SEPTIN14: variants seen among roughly 807,000 people sequenced by gnomAD.
The protein encoded by SEPTIN14 is septin 14.
A neutral mutation model predicts 53.6 loss-of-function variants in SEPTIN14; 40 were observed. The ratio of observed to expected loss-of-function variants is 0.75; its 90% CI spans 0.58 to 0.97. The LOEUF (loss-of-function observed/expected upper bound fraction) is 0.97. Ranked by LOEUF, SEPTIN14 falls within the 50% of genes least tolerant of loss-of-function variation. The pLI is 0.00. For synonymous variants in SEPTIN14, 138 were observed against 166.8 expected (o/e 0.83, Z 1.33); for missense variants, 471 against 508.2 (o/e 0.93, Z 0.70).
rs1037215428 is a variant in SEPTIN14, at chr7:55,846,400, C to T, written c.175+117G>A. 7.0e-6 allele frequency: 5 copies of T among 716,946 alleles called. No individual in the cohort carries two copies. In the East Asian group the frequency reaches 1.4e-4, roughly 21 times the overall value. 44.4% of individuals were successfully genotyped at this position (716,946 alleles called of 1,614,324 possible). A position where few individuals can be genotyped will look rare whatever the true frequency, so the allele number is the denominator to read the frequency against. The stretch of plus-strand genomic sequence containing the variant: ...CATAATATGGCTAAGATGAGAATCA[C>T]TGTAAACATGAAGATATATTTGAAT... On this transcript the variant is annotated intron_variant, in intron 3 of 9. Transcript: ENST00000388975.
chr7:55,848,899 G>A (rs1292666728), intron 2 of SEPTIN14, among the ~76,000 whole-genome samples: 1 of 152,014 alleles, frequency 6.6e-6, no homozygotes, highest in Non-Finnish European at 1.5e-5. Flanking sequence ...GAGCCACCGC[G>A]CCTGGCCTAC....
intron 2 of SEPTIN14, among the ~76,000 whole-genome samples, chr7:55,857,523 GGAA>G (rs1789659223): frequency 8.8e-6 from 1 of 113,934 alleles, no homozygotes. Flanking sequence ...GGAAGGGAAA[GGAA>G]AGGAAAGGAA....
At chr7:55,814,948 A>G (rs1432613507) in intron 7 of SEPTIN14, among the ~76,000 whole-genome samples, 6 of 152,200 alleles carry the variant, frequency 3.9e-5, no homozygotes, top group Non-Finnish European at 7.4e-5. Flanking sequence ...AACAGACACA[A>G]AGACCAATGG....
chr7:55,849,797 T>C (rs1044825324), intron 2 of SEPTIN14, among the ~76,000 whole-genome samples: 1 of 152,024 alleles, frequency 6.6e-6, no homozygotes, highest in East Asian at 1.9e-4. Context: ...AAATTGCTCA[T>C]AGCAGAAGTG....
At chr7:55,814,864 G>A (rs1476807057) in intron 7 of SEPTIN14, among the ~76,000 whole-genome samples, 1 of 152,108 alleles carries the variant, frequency 6.6e-6, no homozygotes, top group East Asian at 1.9e-4. Context: ...AATAACACTG[G>A]AGGAATCGCA....
chr7:55,855,785 C>T (rs1443443562), intron 2 of SEPTIN14, among the ~76,000 whole-genome samples: 1 of 152,044 alleles, frequency 6.6e-6, no homozygotes, highest in Non-Finnish European at 1.5e-5. Flanking sequence ...AACGCCTCAC[C>T]TCGTGATCCA....
chr7:55,812,093 C>A (rs909752820), intron 7 of SEPTIN14, among the ~76,000 whole-genome samples: 1 of 152,202 alleles, frequency 6.6e-6, no homozygotes, highest in South Asian at 2.1e-4. Flanking sequence ...CCGTGTCTGG[C>A]CAAGTTTTAC....
intron 6 of SEPTIN14, among the ~76,000 whole-genome samples, chr7:55,828,413 T>G (rs1268036412): frequency 6.6e-6 from 1 of 151,252 alleles, no homozygotes; most frequent in African/African-American, 2.4e-5. Flanking sequence ...CACACCATTC[T>G]CCTGCCTCAG....
intron 9 of SEPTIN14, chr7:55,798,176 G>A (rs1170433203): frequency 4.6e-6 from 1 of 218,868 alleles, no homozygotes; most frequent in South Asian, 1.1e-4. Flanking sequence ...CCTCCCTGCA[G>A]CCACGCAAAG....
chr7:55,860,790 T>C (rs1789730887), intron 2 of SEPTIN14, among the ~76,000 whole-genome samples: 1 of 152,210 alleles, frequency 6.6e-6, no homozygotes, highest in African/African-American at 2.4e-5. Context: ...ACTGTTTGCT[T>C]CTCCTGCCAT....
At chr7:55,858,162 T>C (rs1216459047) in intron 2 of SEPTIN14, among the ~76,000 whole-genome samples, 2 of 152,066 alleles carry the variant, frequency 1.3e-5, no homozygotes, top group Non-Finnish European at 2.9e-5. Context: ...CTGCTGAAAG[T>C]AGGGAACACA....
At chr7:55,811,192 G>T in intron 7 of SEPTIN14, 1 of 508,118 alleles carries the variant, frequency 2.0e-6, no homozygotes, top group South Asian at 1.6e-5. Flanking sequence ...AAGTAGTTGA[G>T]CCATTCATGC....
At chr7:55,817,318 CAG>C (rs1053216519) in intron 7 of SEPTIN14, among the ~76,000 whole-genome samples, 28 of 151,874 alleles carry the variant, frequency 1.8e-4, no homozygotes, top group African/African-American at 6.5e-4. Flanking sequence ...CTTGTAGAAA[CAG>C]AGAGTAGAAT....
intron 7 of SEPTIN14, among the ~76,000 whole-genome samples, chr7:55,810,327 T>A (rs1788678952): frequency 6.6e-6 from 1 of 152,142 alleles, no homozygotes; most frequent in Non-Finnish European, 1.5e-5. Context: ...GCTATTGAGT[T>A]GTTAGAGTAA....
At chr7:55,852,545 A>T (rs1022223388) in intron 2 of SEPTIN14, among the ~76,000 whole-genome samples, 1 of 152,168 alleles carries the variant, frequency 6.6e-6, no homozygotes, top group Non-Finnish European at 1.5e-5. Context: ...AATAAAAATG[A>T]ATTAAAGACA....
intron 2 of SEPTIN14, among the ~76,000 whole-genome samples, chr7:55,851,415 G>GTTT (rs572803494): frequency 4.0e-4 from 59 of 146,616 alleles, no homozygotes; most frequent in East Asian, 3.2e-3. Flanking sequence ...ACTGCATGGA[G>GTTT]TTTTTTTTTT....
At chr7:55,829,207 C>A (rs1040398619) in intron 6 of SEPTIN14, among the ~76,000 whole-genome samples, 4 of 151,470 alleles carry the variant, frequency 2.6e-5, no homozygotes, top group African/African-American at 9.7e-5. Context: ...GGTGAAACCC[C>A]GTATCTACTA....
intron 9 of SEPTIN14, among the ~76,000 whole-genome samples, chr7:55,799,808 C>T (rs546014479): frequency 6.6e-6 from 1 of 152,146 alleles, no homozygotes; most frequent in Admixed American, 6.5e-5. Context: ...TACTGTATCC[C>T]ACTTTCAGCA....
chr7:55,851,614 G>A (rs1015331575), intron 2 of SEPTIN14, among the ~76,000 whole-genome samples: 2 of 152,116 alleles, frequency 1.3e-5, no homozygotes, highest in Non-Finnish European at 2.9e-5. Context: ...CCACGTGTAT[G>A]GACTGAAAGA....
Sources: gnomAD v4.1 joint callset for allele counts (sites outside exome capture counted in the v4.1 genomes callset) on GRCh38, gnomAD v4.1.1 for gene constraint, MANE v1.5 for transcripts, NCBI Gene and HGNC (gene_info 2026-07-23, HGNC 2026-07-21) for gene names.